PRDM1: variants seen among roughly 807,000 people sequenced by gnomAD.
PRDM1 encodes the protein PR/SET domain 1.
Under a neutral mutation model 62.8 loss-of-function variants are expected in PRDM1, and 13 were observed. The ratio of observed to expected loss-of-function variants is 0.21; its 90% CI spans 0.13 to 0.33. The LOEUF (loss-of-function observed/expected upper bound fraction) is 0.33. PRDM1 is among the 10% of genes least tolerant of loss of function. The pLI is 1.00. For missense variants in PRDM1, 895 were observed against 1,058.8 expected, an observed-to-expected ratio of 0.85 and a Z score of 2.15; for synonymous variants, 396 against 417.6, an observed-to-expected ratio of 0.95 and a Z score of 0.63.
At chr6:105,993,392 C>G (rs1196742650), upstream of PRDM1, among the ~76,000 whole-genome samples, 1 of 152,212 alleles carries the variant, frequency 6.6e-6, no homozygotes, top group African/African-American at 2.4e-5. Flanking sequence ...CCCTAAAGCC[C>G]TCCTTACTCC....
chr6:106,013,471 G>A (rs545738044), intron 1 of PRDM1, among the ~76,000 whole-genome samples: 3 of 151,876 alleles, frequency 2.0e-5, no homozygotes, highest in South Asian at 4.2e-4. Flanking sequence ...CGGATTACAG[G>A]TGTGTGCCAC....
intron 1 of PRDM1, among the ~76,000 whole-genome samples, chr6:106,076,493 A>T (rs1291628004): frequency 6.6e-6 from 1 of 152,220 alleles, no homozygotes; most frequent in African/African-American, 2.4e-5. Context: ...TCTTTTAAAA[A>T]ACATGTAAGC....
chr6:105,998,305 T>C (rs1772374210), intron 1 of PRDM1, among the ~76,000 whole-genome samples: 2 of 152,128 alleles, frequency 1.3e-5, no homozygotes, highest in African/African-American at 4.8e-5. Flanking sequence ...TAGTCCCAGC[T>C]ACTTGGGAGG....
At chr6:106,052,924 G>A (rs1311491052) in intron 1 of PRDM1, among the ~76,000 whole-genome samples, 3 of 151,518 alleles carry the variant, frequency 2.0e-5, no homozygotes, top group East Asian at 3.9e-4. Context: ...CTGAGATCAC[G>A]CCACTGCACT....
chr6:106,080,404 C>T (rs148012336), intron 1 of PRDM1, among the ~76,000 whole-genome samples: 4 of 152,306 alleles, frequency 2.6e-5, no homozygotes, highest in East Asian at 3.9e-4. Context: ...TTCTGTTCCA[C>T]GCCCCCCACC....
intron 1 of PRDM1, among the ~76,000 whole-genome samples, chr6:106,007,504 T>C (rs1185664537): frequency 6.7e-6 from 1 of 148,466 alleles, no homozygotes; most frequent in Non-Finnish European, 1.5e-5. Flanking sequence ...AGACCATTCA[T>C]GTGAAATTAT....
At chr6:106,074,979 A>G (rs1773582135) in intron 1 of PRDM1, among the ~76,000 whole-genome samples, 1 of 152,198 alleles carries the variant, frequency 6.6e-6, no homozygotes, top group South Asian at 2.1e-4. Flanking sequence ...CCAATACTGT[A>G]TAATGTTTAA....
At chr6:106,051,924 C>A (rs778491008) in intron 1 of PRDM1, among the ~76,000 whole-genome samples, 1 of 152,106 alleles carries the variant, frequency 6.6e-6, no homozygotes, top group Non-Finnish European at 1.5e-5. Context: ...TTGAAATAAA[C>A]CACATTTAAA....
chr6:106,015,534 A>T (rs116932474), intron 1 of PRDM1, among the ~76,000 whole-genome samples: 1 of 151,300 alleles, frequency 6.6e-6, no homozygotes, highest in South Asian at 2.1e-4. Flanking sequence ...CTAAAGAAAC[A>T]CTAGAAGAAT....
At chr6:105,998,295 T>G (rs1162634883) in intron 1 of PRDM1, among the ~76,000 whole-genome samples, 1 of 152,162 alleles carries the variant, frequency 6.6e-6, no homozygotes, top group Non-Finnish European at 1.5e-5. Flanking sequence ...CACGTGTCTG[T>G]AGTCCCAGCT....
chr6:106,060,943 G>A (rs980455558), intron 1 of PRDM1, among the ~76,000 whole-genome samples: 6 of 152,158 alleles, frequency 3.9e-5, no homozygotes, highest in African/African-American at 1.4e-4. Context: ...ATCTGGGGAT[G>A]ATGGCAACAA....
intron 1 of PRDM1, among the ~76,000 whole-genome samples, chr6:106,070,418 A>G (rs1179717152): frequency 1.3e-5 from 2 of 152,182 alleles, no homozygotes; most frequent in African/African-American, 4.8e-5. Flanking sequence ...AATAATACTT[A>G]TATTATATTT....
chr6:105,994,998 G>A lies in PRDM1; in HGVS notation c.-67+1359G>A, dbSNP rs376990178. 9.2e-5 allele frequency among the ~76,000 whole-genome samples: 14 copies of A among 152,220 alleles called. No individual in the cohort carries two copies. Among genetic ancestry groups the A allele is most frequent in the African/African-American group, 3.4e-4 (14 of 41,464 alleles). ...GATTAGAGCGCGCGTTTTCTCCGCCGAGCACGCTGCCCGACGCCGTCGCAG... is the reference window on the plus strand; with the variant it reads ...GATTAGAGCGCGCGTTTTCTCCGCCAAGCACGCTGCCCGACGCCGTCGCAG... On this transcript the variant is annotated intron_variant, in intron 1 of 6. Coordinates refer to the PRDM1 transcript ENST00000652320. This position sits in a 1 kb window ranked among gnomAD's most constrained non-coding sequence, Gnocchi z 4.1.
Position 106,088,472 on chromosome 6 carries a change from A to G in PRDM1, c.291+23A>G, listed in dbSNP as rs374153419. The stretch of plus-strand genomic sequence containing the variant: ...GAGGTAAGCCTCTGGTTTATTGACA[A>G]GAAGATTGGGGACCTGGTGCCAAAT... On this transcript the variant is annotated intron_variant, in intron 2 of 6. Transcript: ENST00000369096. The G allele has an allele frequency of 4.0e-5, 65 of 1,613,654 alleles. No homozygotes were observed. The African/African-American group carries it at 7.5e-4, about 19-fold the overall frequency.
Position 106,107,425 on chromosome 6 carries a change from A to G in PRDM1, c.2417A>G (p.Asn806Ser), listed in dbSNP as rs751160979. 2 of 1,614,046 alleles carry G rather than the reference A, an allele frequency of 1.2e-6. No individual in the cohort carries two copies. Among genetic ancestry groups the G allele is most frequent in the Non-Finnish European group, 1.7e-6 (2 of 1,179,996 alleles). ...CCCCTCATGAAGTTGCCTCCCAGCA[A>G]CCCACTACCTCTGGTACCTGTAAAG... ...DLPLMKLPPS[N>S]PLPLVPVKVK... is the part of the protein sequence containing the mutation. The change falls in exon 7 of 7, where the codon AAC becomes AGC. Residue 806 changes from asparagine (N) to serine (S), a missense_variant. Coordinates refer to ENST00000369096, the MANE Select transcript of PRDM1 (RefSeq NM_001198.4).
chr6:106,099,981 T>C (rs1331901232), intron 4 of PRDM1, among the ~76,000 whole-genome samples: 1 of 152,250 alleles, frequency 6.6e-6, no homozygotes, highest in East Asian at 1.9e-4. Context: ...ATGTGGAACA[T>C]TGTAAGATCA....
intron 1 of PRDM1, among the ~76,000 whole-genome samples, chr6:106,009,909 G>A (rs1772525904): frequency 6.6e-6 from 1 of 152,244 alleles, no homozygotes. Flanking sequence ...GTAGAGACAG[G>A]GTTTCACCAT....
chr6:106,049,085 G>A (rs1350877473), intron 1 of PRDM1, among the ~76,000 whole-genome samples: 1 of 152,094 alleles, frequency 6.6e-6, no homozygotes, highest in Non-Finnish European at 1.5e-5. Flanking sequence ...CCAAGTGCTG[G>A]GATTACAGGC....
chr6:106,072,927 G>A (rs1773541775), intron 1 of PRDM1, among the ~76,000 whole-genome samples: 1 of 152,148 alleles, frequency 6.6e-6, no homozygotes, highest in African/African-American at 2.4e-5. Flanking sequence ...CTGAGGAAGG[G>A]GAAGTAATGA....
Sources: gnomAD v4.1 joint callset for allele counts (sites outside exome capture counted in the v4.1 genomes callset) on GRCh38, gnomAD v4.1.1 for gene constraint, Gnocchi (gnomAD v3.1) non-coding constraint, MANE v1.5 for transcripts, NCBI Gene and HGNC (gene_info 2026-07-23, HGNC 2026-07-21) for gene names.